ADAM2: variants seen among roughly 807,000 people sequenced by gnomAD.
ADAM2 encodes the protein disintegrin and metalloproteinase domain-containing protein 2.
Under a neutral mutation model 99.3 loss-of-function variants are expected in ADAM2, and 101 were observed. That is an observed-to-expected ratio of 1.02 (90% CI 0.87 to 1.20). The LOEUF is 1.20. Among genes scored for constraint, ADAM2 ranks in the 50% most tolerant of loss-of-function variants. The pLI is 0.00. For missense variants in ADAM2, 948 were observed against 878.7 expected, an observed-to-expected ratio of 1.08 and a Z score of -1.00; for synonymous variants, 323 against 287.6, an observed-to-expected ratio of 1.12 and a Z score of -1.25.
At position 39,786,969 on chromosome 8, in the gene ADAM2, C is replaced by T; in HGVS notation, c.891+5G>A. ...GCATACTTTCTATACATAACCATAC[C>T]ATACCAGAACAACACCTCCTGCATA... is the stretch of plus-strand genomic sequence containing the variant. On this transcript the variant is annotated splice_donor_5th_base_variant and intron_variant, in intron 10 of 20. Coordinates refer to ENST00000265708, the MANE Select transcript of ADAM2 (RefSeq NM_001464.5). The T allele has an allele frequency of 6.3e-7, 1 of 1,578,178 alleles. No homozygotes were observed. The highest frequency in any genetic ancestry group is 8.6e-7 in the Non-Finnish European group (1 of 1,160,550).
chr8:39,772,105 A>G, intron 11 of ADAM2, among the ~76,000 whole-genome samples: 1 of 140,648 alleles, frequency 7.1e-6, no homozygotes, highest in East Asian at 2.1e-4. Context: ...GGGAGAGAGA[A>G]CGGTAAAAAA....
At chr8:39,801,469 C>T (rs574250583) in intron 7 of ADAM2, among the ~76,000 whole-genome samples, 1 of 152,024 alleles carries the variant, frequency 6.6e-6, no homozygotes, top group Non-Finnish European at 1.5e-5. Flanking sequence ...GGTCTGACAA[C>T]CCCTCTTGGA....
intron 3 of ADAM2, among the ~76,000 whole-genome samples, chr8:39,832,470 A>T (rs1006285310): frequency 2.0e-5 from 3 of 152,150 alleles, no homozygotes; most frequent in African/African-American, 7.2e-5. Context: ...CCATAATATT[A>T]TACACTTTAT....
intron 4 of ADAM2, 138 bp downstream of exon 4, chr8:39,824,681 C>A: frequency 1.6e-6 from 1 of 644,198 alleles, no homozygotes; most frequent in Non-Finnish European, 2.8e-6. Context: ...CATCAGTATA[C>A]ATCATTAACA....
chr8:39,805,103 C>T (rs992564179), intron 7 of ADAM2, among the ~76,000 whole-genome samples: 21 of 152,116 alleles, frequency 1.4e-4, no homozygotes, highest in Admixed American at 2.6e-4. Context: ...TAGCTGTGTC[C>T]TTATAGACTG....
chr8:39,831,296 CT>C (rs1805608009), intron 3 of ADAM2, among the ~76,000 whole-genome samples: 1 of 152,034 alleles, frequency 6.6e-6, no homozygotes, highest in Non-Finnish European at 1.5e-5. Context: ...CCAAGCAGCC[CT>C]ATTATTATGG....
intron 15 of ADAM2, among the ~76,000 whole-genome samples, chr8:39,760,043 T>A (rs577813472): frequency 6.6e-6 from 1 of 152,090 alleles, no homozygotes; most frequent in Non-Finnish European, 1.5e-5. Flanking sequence ...ATTTTTGAAT[T>A]TTTAGTAGAG....
At position 39,833,977 on chromosome 8, in the gene ADAM2, T is replaced by C. The variant is rs1425499835; in HGVS notation, c.155A>G (p.Glu52Gly). The C allele has an allele frequency of 3.2e-6, 5 of 1,576,188 alleles. No homozygotes were observed. Among genetic ancestry groups the C allele is most frequent in the Non-Finnish European group, 4.4e-6 (5 of 1,148,870 alleles). Residue 52 changes from glutamate (E) to glycine (G), a missense_variant, in exon 3 of 21, where the codon GAA becomes GGA. Glu to Gly is a moderately conservative substitution (Grantham distance 98). Coordinates refer to ENST00000265708, the MANE Select transcript of ADAM2 (RefSeq NM_001464.5). ...ESQASYKIVI[E>G]GKPYTVNLMQ... Reference sequence around the variant, plus strand: ...TAAATTCACAGTATATGGTTTCCCTTCAATTACAATTTTGTAGGATGCCTG... The same window carrying C: ...TAAATTCACAGTATATGGTTTCCCTCCAATTACAATTTTGTAGGATGCCTG...
At position 39,766,975 on chromosome 8, in the gene ADAM2, T is replaced by G; in HGVS notation, c.1380A>C (p.Gly460=). 1 of 1,614,208 alleles carries G rather than the reference T, an allele frequency of 6.2e-7. No homozygotes were observed. The highest frequency in any genetic ancestry group is 1.1e-5 in the South Asian group (1 of 91,088). Reference sequence around the variant, plus strand: ...GGTTTTCTGGGCATGATGCAGATGATCCATTGCAATATTCAGGGAGGTCGC... The same window carrying G: ...GGTTTTCTGGGCATGATGCAGATGAGCCATTGCAATATTCAGGGAGGTCGC... ...EECDLPEYCN[G]SSASCPENHY... is the part of the protein sequence containing the mutation. The change falls in exon 14 of 21, where the codon GGA becomes GGC. Residue 460 remains glycine (G), a synonymous_variant. Coordinates refer to ENST00000265708, the MANE Select transcript of ADAM2 (RefSeq NM_001464.5).
In ADAM2 at chr8:39,830,523, T is replaced by C. The variant is rs80258317; in HGVS notation, c.188+3421A>G. Among the ~76,000 whole-genome samples the C allele has an allele frequency of 1.0e-2, 1,516 of 152,260 alleles. 14 individuals are homozygous for C. The highest frequency in any genetic ancestry group is 0.017 in the Non-Finnish European group (1,138 of 68,010). ...TGATTTGATTGTATTATAGGGTTAA[T>C]TGGAATGATCAAAGCAATAGAAACA... is the stretch of plus-strand genomic sequence containing the variant. On this transcript the variant is annotated intron_variant, in intron 3 of 20. Transcript: ENST00000265708.
In ADAM2 at chr8:39,821,737, A is replaced by G. The variant is rs1014755005; in HGVS notation, c.268-75T>C. 6 of 1,055,928 alleles carry G rather than the reference A, an allele frequency of 5.7e-6. No individual in the cohort carries two copies. The African/African-American group carries it at 9.5e-5, about 17-fold the overall frequency. The allele number at this position is 1,055,928 out of a possible 1,614,324, so 65.4% of individuals were successfully genotyped here. Reference sequence around the variant, plus strand: ...TACAATTTTCAAATATGTAAAACATATATGTGTTTTGTTTTTATGCATCAA... The same window carrying G: ...TACAATTTTCAAATATGTAAAACATGTATGTGTTTTGTTTTTATGCATCAA... On this transcript the variant is annotated intron_variant, in intron 4 of 20. Transcript: ENST00000265708.
chr8:39,757,729 C>T (rs559752623), intron 15 of ADAM2, among the ~76,000 whole-genome samples: 1 of 152,216 alleles, frequency 6.6e-6, no homozygotes, highest in East Asian at 1.9e-4. Context: ...AAATCCTTTC[C>T]ATTACAAAAT....
chr8:39,810,733 C>T (rs573652898), intron 6 of ADAM2, among the ~76,000 whole-genome samples: 17 of 152,180 alleles, frequency 1.1e-4, no homozygotes, highest in African/African-American at 9.6e-5. Flanking sequence ...TCTTTGAAAC[C>T]GATGAGAACA....
intron 7 of ADAM2, among the ~76,000 whole-genome samples, chr8:39,804,985 TA>T (rs1454296086): frequency 6.6e-6 from 1 of 152,216 alleles, no homozygotes; most frequent in Non-Finnish European, 1.5e-5. Context: ...AGTAGCTTAT[TA>T]AAAACACATT....
intron 2 of ADAM2, among the ~76,000 whole-genome samples, chr8:39,834,745 A>AAAAAAAAAAC: frequency 6.6e-6 from 1 of 151,458 alleles, no homozygotes. Context: ...AAAAAAAAAA[A>AAAAAAAAAAC]AAAAAAAAAA....
At chr8:39,767,361 A>T in intron 12 of ADAM2, 110 bp from the exon 13 acceptor site, 1 of 922,424 alleles carries the variant, frequency 1.1e-6, no homozygotes, top group Non-Finnish European at 1.7e-6. Flanking sequence ...TGCTTAACTT[A>T]CATGTTGGCA....
At chr8:39,790,400 G>C (rs117316256) in intron 7 of ADAM2, among the ~76,000 whole-genome samples, 1 of 151,774 alleles carries the variant, frequency 6.6e-6, no homozygotes, top group African/African-American at 2.4e-5. Flanking sequence ...AAATCACTAC[G>C]GTAAATGAAA....
chr8:39,822,751 T>G (rs1245857960), intron 4 of ADAM2, among the ~76,000 whole-genome samples: 1 of 150,700 alleles, frequency 6.6e-6, no homozygotes, highest in Non-Finnish European at 1.5e-5. Context: ...GGTCTGTTTT[T>G]TTTTTGTTTT....
intron 18 of ADAM2, among the ~76,000 whole-genome samples, chr8:39,747,453 T>C (rs1359539464): frequency 1.3e-5 from 2 of 152,168 alleles, no homozygotes; most frequent in South Asian, 2.1e-4. Flanking sequence ...TTATGATGCA[T>C]TTACATAAAA....
Sources: allele counts gnomAD v4.1 joint callset (sites outside exome capture counted in the v4.1 genomes callset), GRCh38; gene constraint gnomAD v4.1.1; transcripts MANE v1.5; gene names NCBI Gene and HGNC (gene_info 2026-07-23, HGNC 2026-07-21).